TTC23: variants seen among roughly 807,000 people sequenced by gnomAD.
TTC23 encodes the protein tetratricopeptide repeat domain 23.
Under a neutral mutation model 55.1 loss-of-function variants are expected in TTC23, and 58 were observed. The ratio of observed to expected loss-of-function variants is 1.05; its 90% CI spans 0.85 to 1.31. The LOEUF (loss-of-function observed/expected upper bound fraction) is 1.31, where lower values mean the gene tolerates loss of function less well. Ranked by LOEUF, TTC23 falls within the 50% of genes most tolerant of loss-of-function variation. The pLI, the probability that TTC23 is intolerant of heterozygous loss-of-function variation, is 0.00. For missense variants in TTC23, 516 were observed against 534.4 expected, an observed-to-expected ratio of 0.97 and a Z score of 0.34; for synonymous variants, 203 against 199.9, an observed-to-expected ratio of 1.02 and a Z score of -0.13.
intron 9 of TTC23, among the ~76,000 whole-genome samples, chr15:99,196,580 A>C (rs1264282647): frequency 1.3e-5 from 2 of 152,180 alleles, no homozygotes; most frequent in Non-Finnish European, 2.9e-5. Flanking sequence ...GGAGATGTGC[A>C]CAACCCCCAG....
chr15:99,145,543 ATGGGGATGGAGGGAGGTGG>A (rs1432937870), intron 12 of TTC23, among the ~76,000 whole-genome samples: 1 of 127,412 alleles, frequency 7.8e-6, no homozygotes, highest in East Asian at 2.7e-4. Context: ...ACAGGGCAGG[ATGGGGATGGAGGGAGGTGG>A]TGGGGATGGG....
chr15:99,177,728 T>C (rs963229207), intron 9 of TTC23, among the ~76,000 whole-genome samples: 1 of 152,258 alleles, frequency 6.6e-6, no homozygotes, highest in Non-Finnish European at 1.5e-5. Context: ...TGTTTCTTCC[T>C]ATTCAATATT....
intron 9 of TTC23, among the ~76,000 whole-genome samples, chr15:99,188,348 G>A (rs188737583): frequency 3.6e-4 from 55 of 152,076 alleles, no homozygotes; most frequent in African/African-American, 1.3e-3. Flanking sequence ...GGAAGAGGGA[G>A]GAATGACTGC....
chr15:99,138,857 G>A (rs2067866627), intron 13 of TTC23, among the ~76,000 whole-genome samples: 1 of 152,234 alleles, frequency 6.6e-6, no homozygotes, highest in African/African-American at 2.4e-5. Context: ...CTGCGGACCA[G>A]GCTCTGTGAG....
chr15:99,207,479 C>T (rs1043616132), intron 8 of TTC23, among the ~76,000 whole-genome samples: 3 of 152,130 alleles, frequency 2.0e-5, no homozygotes, highest in Non-Finnish European at 4.4e-5. Context: ...ACCATAAGGG[C>T]CAGGTGCGGT....
intron 1 of TTC23, among the ~76,000 whole-genome samples, chr15:99,247,489 T>C (rs1322606276): frequency 3.3e-5 from 5 of 152,206 alleles, no homozygotes; most frequent in African/African-American, 1.2e-4. Context: ...TGTTAATTGG[T>C]ACTGTTAAAT....
At chr15:99,232,226 T>A (rs1399363827) in intron 4 of TTC23, among the ~76,000 whole-genome samples, 3 of 151,676 alleles carry the variant, frequency 2.0e-5, no homozygotes, top group Non-Finnish European at 4.4e-5. Flanking sequence ...ACACCTGTAA[T>A]CTCAGCACTT....
At chr15:99,215,053 G>A (rs557147922) in intron 8 of TTC23, among the ~76,000 whole-genome samples, 32 of 151,072 alleles carry the variant, frequency 2.1e-4, no homozygotes, top group Non-Finnish European at 4.3e-4. Context: ...ACAGGGTCTC[G>A]CCATGTTAGC....
At chr15:99,226,072 T>A (rs2078385649) in intron 5 of TTC23, among the ~76,000 whole-genome samples, 1 of 152,148 alleles carries the variant, frequency 6.6e-6, no homozygotes, top group Non-Finnish European at 1.5e-5. Context: ...ATTTCCAAGA[T>A]ATCAAGATCA....
intron 9 of TTC23, among the ~76,000 whole-genome samples, chr15:99,176,612 T>C (rs1346062924): frequency 6.6e-6 from 1 of 152,126 alleles, no homozygotes; most frequent in Admixed American, 6.6e-5. Flanking sequence ...GACCCTGTCA[T>C]ACACAAATAC....
At chr15:99,150,809 T>A (rs1401129147) in intron 12 of TTC23, among the ~76,000 whole-genome samples, 4 of 152,186 alleles carry the variant, frequency 2.6e-5, no homozygotes, top group African/African-American at 9.7e-5. Context: ...TCTCAGCCCC[T>A]TCACCTGGCA....
intron 8 of TTC23, among the ~76,000 whole-genome samples, chr15:99,204,501 T>C (rs1187960380): frequency 6.6e-6 from 1 of 152,078 alleles, no homozygotes; most frequent in African/African-American, 2.4e-5. Flanking sequence ...GTGATCCCAT[T>C]TGTCCAGTTT....
chr15:99,250,756 C>A (rs75894442), upstream of TTC23, among the ~76,000 whole-genome samples: 1 of 152,262 alleles, frequency 6.6e-6, no homozygotes, highest in African/African-American at 2.4e-5. Flanking sequence ...TGTTCCTGAC[C>A]TTTTTAGCAA....
intron 9 of TTC23, among the ~76,000 whole-genome samples, chr15:99,190,494 T>C (rs1206634340): frequency 6.6e-6 from 1 of 152,182 alleles, no homozygotes; most frequent in African/African-American, 2.4e-5. Context: ...AAAGACATGA[T>C]ATATTGAACA....
At chr15:99,243,783 C>A (rs963207565) in intron 2 of TTC23, among the ~76,000 whole-genome samples, 3 of 152,114 alleles carry the variant, frequency 2.0e-5, no homozygotes, top group Non-Finnish European at 4.4e-5. Context: ...CAACTGAACT[C>A]ATGAACACAG....
At chr15:99,233,761 A>G (rs2079103113) in intron 4 of TTC23, among the ~76,000 whole-genome samples, 1 of 152,166 alleles carries the variant, frequency 6.6e-6, no homozygotes, top group African/African-American at 2.4e-5. Context: ...ATTTAAATCT[A>G]AAATACAGAT....
At chr15:99,173,586 T>TA (rs1167052597) in intron 10 of TTC23, among the ~76,000 whole-genome samples, 2 of 151,870 alleles carry the variant, frequency 1.3e-5, no homozygotes, top group South Asian at 2.1e-4. Context: ...ACCCTGTCTC[T>TA]AAAAAAATAA....
chr15:99,250,838 T>C (rs2080677059), upstream of TTC23, among the ~76,000 whole-genome samples: 1 of 152,212 alleles, frequency 6.6e-6, no homozygotes, highest in Non-Finnish European at 1.5e-5. Flanking sequence ...CTTTGTTATC[T>C]ACCAGTTCGT....
At chr15:99,185,850 G>C (rs559378940) in intron 9 of TTC23, among the ~76,000 whole-genome samples, 1 of 152,210 alleles carries the variant, frequency 6.6e-6, no homozygotes, top group Admixed American at 6.5e-5. Context: ...TGGCTCTCCA[G>C]GACTTGGTTT....
Sources: allele counts gnomAD v4.1 joint callset (sites outside exome capture counted in the v4.1 genomes callset), GRCh38; gene constraint gnomAD v4.1.1; transcripts MANE v1.5; gene names NCBI Gene and HGNC (gene_info 2026-07-23, HGNC 2026-07-21).